SLC41A1: variants seen among roughly 807,000 people sequenced by gnomAD.
SLC41A1 encodes the protein solute carrier family 41 (magnesium transporter), member 1.
SLC41A1 carries 20 observed loss-of-function variants against 47.3 expected under a neutral mutation model. The observed-to-expected ratio is 0.42, with a 90% CI of 0.30 to 0.61. The LOEUF is 0.61. Ranked by LOEUF, SLC41A1 falls within the 20% of genes least tolerant of loss-of-function variation. The probability of loss-of-function intolerance (pLI) is 0.17; values close to 1 mark genes in which losing one functional copy is unlikely to be tolerated. For synonymous variants in SLC41A1, 282 were observed against 272.7 expected (o/e 1.03, Z -0.34); for missense variants, 504 against 674.1 (o/e 0.75, Z 2.79).
At chr1:205,812,577 G>A (rs1233427564) in intron 1 of SLC41A1, among the ~76,000 whole-genome samples, 1 of 152,256 alleles carries the variant, frequency 6.6e-6, no homozygotes. Context: ...ACTTCAGACA[G>A]GCCTAAGGCC....
intron 10 of SLC41A1, among the ~76,000 whole-genome samples, chr1:205,793,261 C>T (rs1461012970): frequency 6.6e-6 from 1 of 152,198 alleles, no homozygotes; most frequent in Non-Finnish European, 1.5e-5. Flanking sequence ...AGAGCCTTTA[C>T]AGGGGATCAA....
intron 3 of SLC41A1, 38 bp downstream of exon 3, chr1:205,800,915 C>T: frequency 6.4e-7 from 1 of 1,564,544 alleles, no homozygotes; most frequent in Non-Finnish European, 8.8e-7. Context: ...TGCCCAGAGT[C>T]CTCTCTGTGC....
chr1:205,813,082 G>T lies in SLC41A1; in HGVS notation c.-921C>A. ...GGATATATCGCTTCGGGCCCGGCGG[G>T]GGGGCACCCGGACGGGGGACCGGGG... On this transcript the variant is annotated 5_prime_UTR_variant, in exon 1 of 11. Coordinates refer to ENST00000367137, the MANE Select transcript of SLC41A1 (RefSeq NM_173854.6). The T allele has an allele frequency of 1.0e-6, 1 of 985,540 alleles. No individual in the cohort carries two copies. The highest frequency in any genetic ancestry group is 1.2e-6 in the Non-Finnish European group (1 of 830,004). The allele number at this position is 985,540 out of a possible 1,614,324, so 61.0% of individuals were successfully genotyped here. A position where few individuals can be genotyped will look rare whatever the true frequency, so the allele number is the denominator to read the frequency against.
chr1:205,800,034 G>C (rs934002195), intron 3 of SLC41A1, among the ~76,000 whole-genome samples: 4 of 152,178 alleles, frequency 2.6e-5, no homozygotes, highest in African/African-American at 9.6e-5. Flanking sequence ...GCAGCTGGGT[G>C]GGGGGTTGGA....
intron 1 of SLC41A1, among the ~76,000 whole-genome samples, chr1:205,811,933 G>A (rs1217088107): frequency 1.3e-5 from 2 of 152,182 alleles, no homozygotes; most frequent in Non-Finnish European, 2.9e-5. Context: ...GGCTCCTCCT[G>A]TTCCCCAGGG....
In SLC41A1 at chr1:205,798,071, A is replaced by G; in HGVS notation, c.845-20T>C. On this transcript the variant is annotated intron_variant, in intron 6 of 10. Coordinates refer to ENST00000367137, the MANE Select transcript of SLC41A1 (RefSeq NM_173854.6). ...AGTGATCTGAGAGGGCAGAGGTCAG[A>G]AGGAGATAAGCACTGTGTTTCCCTA... The G allele has an allele frequency of 1.2e-6, 2 of 1,614,202 alleles. No individual in the cohort carries two copies. Among genetic ancestry groups the G allele is most frequent in the East Asian group, 2.2e-5 (1 of 44,882 alleles).
chr1:205,795,080 C>G (rs1655713182), intron 9 of SLC41A1, 62 bp from the exon 10 acceptor site: 1 of 1,601,042 alleles, frequency 6.2e-7, no homozygotes, highest in Non-Finnish European at 8.5e-7. Context: ...CCCAGAAGGC[C>G]TTTCAAAGTC....
rs1383561391 is a variant in SLC41A1, at chr1:205,799,746, C to T, written c.552+13G>A. On this transcript the variant is annotated intron_variant, in intron 4 of 10. Coordinates refer to ENST00000367137, the MANE Select transcript of SLC41A1 (RefSeq NM_173854.6). The stretch of plus-strand genomic sequence containing the variant: ...GAAGCTTAGCCCACCCTCTCTGGTC[C>T]CTGCCTTCTTACCTGGATGAGGGCC... 1.9e-6 allele frequency: 3 copies of T among 1,613,852 alleles called. No individual in the cohort carries two copies. In the Admixed American group the frequency reaches 5.0e-5, roughly 27 times the overall value.
At chr1:205,806,556 G>A (rs1326806875) in intron 2 of SLC41A1, among the ~76,000 whole-genome samples, 1 of 152,192 alleles carries the variant, frequency 6.6e-6, no homozygotes. Flanking sequence ...AGCAGCCTAG[G>A]ACCAAACTGG....
rs200029523 is a variant in SLC41A1, at chr1:205,810,190, G to A, written c.252C>T (p.Gly84=). ...NESDDVSTDR[G]PAPPSPLKET... is the part of the protein sequence containing the mutation. The stretch of plus-strand genomic sequence containing the variant: ...CCTTGAGCGGGGAAGGTGGCGCAGG[G>A]CCACGGTCTGTGCTGACGTCGTCAC... The change falls in exon 2 of 11, where the codon GGC becomes GGT. Residue 84 remains glycine, a synonymous_variant. Coordinates refer to ENST00000367137, the MANE Select transcript of SLC41A1 (RefSeq NM_173854.6). This position sits in a 1 kb window ranked among gnomAD's most constrained non-coding sequence, Gnocchi z 5.5. 6 of 1,614,106 alleles carry A rather than the reference G, an allele frequency of 3.7e-6. No individual in the cohort carries two copies. The Admixed American group carries it at 5.0e-5, about 13-fold the overall frequency.
chr1:205,789,991 A>C lies in SLC41A1; in HGVS notation c.*1542T>G, dbSNP rs183993152. ...GTGCTAGGCAGAGAAAAGTAGAAAC[A>C]ACCAGATGATGTCCACCCTGCTAGT... On this transcript the variant is annotated 3_prime_UTR_variant, in exon 11 of 11. Transcript: ENST00000367137. 153 of 152,400 alleles carry C rather than the reference A, an allele frequency of 1.0e-3. No homozygotes were observed. Among genetic ancestry groups the C allele is most frequent in the Non-Finnish European group, 1.7e-3 (119 of 68,070 alleles). 9.4% of individuals were successfully genotyped at this position (152,400 alleles called of 1,614,324 possible). A position where few individuals can be genotyped will look rare whatever the true frequency, so the allele number is the denominator to read the frequency against.
rs1474259612 is a variant in SLC41A1 at position 205,795,422 on chromosome 1, T to A, written c.1129A>T (p.Met377Leu). 6.2e-7 allele frequency: 1 copy of A among 1,614,080 alleles called. No individual in the cohort carries two copies. ...QASRISTFLH[M>L]NGMPGENSEQ... is the part of the protein sequence containing the mutation. Reference sequence around the variant, plus strand: ...GAGTTCTCTCCGGGCATTCCATTCATGTGCAGGAAGGTGGAGATGCGGCTG... The same window carrying A: ...GAGTTCTCTCCGGGCATTCCATTCAAGTGCAGGAAGGTGGAGATGCGGCTG... Residue 377 changes from methionine (M) to leucine (L), a missense_variant, in exon 9 of 11, where the codon ATG (methionine) becomes TTG (leucine). Coordinates refer to ENST00000367137, the MANE Select transcript of SLC41A1 (RefSeq NM_173854.6).
rs1291217342 is a variant in SLC41A1, at chr1:205,791,736, C to T, written c.1357-18G>A. The T allele has an allele frequency of 6.2e-7, 1 of 1,612,010 alleles. No homozygotes were observed. Among genetic ancestry groups the T allele is most frequent in the Non-Finnish European group, 8.5e-7 (1 of 1,179,680 alleles). ...ATCAGCACCTGGGGAGACAAAAGGG[C>T]CCAGCCTATAGCCATCCTCTCTCTC... On this transcript the variant is annotated intron_variant, in intron 10 of 10. Coordinates refer to ENST00000367137, the MANE Select transcript of SLC41A1 (RefSeq NM_173854.6). This position sits in a 1 kb window ranked among gnomAD's most constrained non-coding sequence, Gnocchi z 4.0.
At chr1:205,807,727 C>T (rs1281514216) in intron 2 of SLC41A1, among the ~76,000 whole-genome samples, 3 of 132,016 alleles carry the variant, frequency 2.3e-5, no homozygotes, top group African/African-American at 8.5e-5. Context: ...ACAATCATAG[C>T]TCATTGCGAC....
At chr1:205,804,510 C>T (rs1655968703) in intron 2 of SLC41A1, among the ~76,000 whole-genome samples, 1 of 152,146 alleles carries the variant, frequency 6.6e-6, no homozygotes, top group Non-Finnish European at 1.5e-5. Context: ...AATCCCTTCC[C>T]ACCCTAAGAC....
intron 2 of SLC41A1, among the ~76,000 whole-genome samples, chr1:205,805,171 G>C (rs1655987549): frequency 6.6e-6 from 1 of 152,128 alleles, no homozygotes; most frequent in African/African-American, 2.4e-5. Context: ...ACAGAATATA[G>C]CCTGGAACCT....
intron 2 of SLC41A1, among the ~76,000 whole-genome samples, chr1:205,805,253 A>G (rs1005768528): frequency 6.6e-6 from 1 of 152,168 alleles, no homozygotes; most frequent in Non-Finnish European, 1.5e-5. Flanking sequence ...TCCTACACAC[A>G]TACTTTCTTC....
chr1:205,800,856 G>A, intron 3 of SLC41A1, 97 bp downstream of exon 3: 1 of 1,150,410 alleles, frequency 8.7e-7, no homozygotes, highest in Non-Finnish European at 1.3e-6. Context: ...CTCCAGGCCT[G>A]GGCAGTGGAG....
At chr1:205,799,229 C>T (rs1283375944) in intron 4 of SLC41A1, 128 bp from the exon 5 acceptor site, 4 of 1,220,996 alleles carry the variant, frequency 3.3e-6, no homozygotes, top group Middle Eastern at 2.7e-4. Context: ...ACTGCATGGT[C>T]CAGTCCTCCC....
Sources: allele counts gnomAD v4.1 joint callset (sites outside exome capture counted in the v4.1 genomes callset), GRCh38; gene constraint gnomAD v4.1.1; non-coding constraint Gnocchi (gnomAD v3.1); transcripts MANE v1.5; gene names NCBI Gene and HGNC (gene_info 2026-07-23, HGNC 2026-07-21).